RAP1GAP: variants seen among roughly 807,000 people sequenced by gnomAD.
RAP1GAP encodes the protein RAP1 GTPase activating protein, also known as rap1 GTPase-activating protein 1.
RAP1GAP carries 35 observed loss-of-function variants against 87.2 expected under a neutral mutation model. The ratio of observed to expected loss-of-function variants is 0.40; its 90% CI spans 0.31 to 0.53. The LOEUF is 0.53. Ranked by LOEUF, RAP1GAP falls within the 20% of genes least tolerant of loss-of-function variation. The pLI is 0.48. For missense variants in RAP1GAP, 734 were observed against 898.9 expected (o/e 0.82, Z 2.35); for synonymous variants, 375 against 363.9 (o/e 1.03, Z -0.35).
chr1:21,664,248 C>A (rs977741300), intron 1 of RAP1GAP, among the ~76,000 whole-genome samples: 2 of 152,172 alleles, frequency 1.3e-5, no homozygotes, highest in Non-Finnish European at 2.9e-5. Flanking sequence ...CTCCTTTGCA[C>A]ACTGGGAGAA....
At chr1:21,628,792 G>C (rs1200948659) in intron 2 of RAP1GAP, among the ~76,000 whole-genome samples, 1 of 152,144 alleles carries the variant, frequency 6.6e-6, no homozygotes, top group Admixed American at 6.6e-5. Flanking sequence ...GGAGGCTGAG[G>C]CAGGAGAATT....
At chr1:21,623,564 G>A (rs1489953960) in intron 3 of RAP1GAP, among the ~76,000 whole-genome samples, 1 of 152,204 alleles carries the variant, frequency 6.6e-6, no homozygotes, top group East Asian at 1.9e-4. Context: ...GCCAGTGGCT[G>A]CCCACCACCC....
chr1:21,648,639 C>T (rs946753616), intron 2 of RAP1GAP, among the ~76,000 whole-genome samples: 1 of 152,194 alleles, frequency 6.6e-6, no homozygotes, highest in Admixed American at 6.5e-5. Context: ...TATTACTGAA[C>T]TCCCTGAAGG....
At chr1:21,643,288 G>A (rs533968519) in intron 2 of RAP1GAP, among the ~76,000 whole-genome samples, 1 of 152,224 alleles carries the variant, frequency 6.6e-6, no homozygotes, top group Non-Finnish European at 1.5e-5. Flanking sequence ...GGCTGGGTGT[G>A]GTGGCTCACG....
chr1:21,629,251 G>C (rs9426770), intron 2 of RAP1GAP, among the ~76,000 whole-genome samples: 45,759 of 152,058 alleles, frequency 0.3, 7,959 homozygotes, highest in Middle Eastern at 0.41. Context: ...TGCTGGGTGC[G>C]GCCGTGGCTG....
chr1:21,613,307 C>A lies in RAP1GAP; in HGVS notation c.475-78G>T, dbSNP rs2079637075. On this transcript the variant is annotated intron_variant, in intron 9 of 24. Transcript: ENST00000374765. The surrounding 1 kb of genome is among the most constrained non-coding windows in gnomAD (Gnocchi z 4.7). ...ATGGGGCTGCCTGGGCCTCCCTGGT[C>A]AAGGTCTGGGGAGGAGCCATGCTGG... 2 of 1,349,782 alleles carry A rather than the reference C, an allele frequency of 1.5e-6. No individual in the cohort carries two copies. The highest frequency in any genetic ancestry group is 2.3e-5 in the East Asian group (1 of 43,452). The allele number at this position is 1,349,782 out of a possible 1,614,324, so 83.6% of individuals were successfully genotyped here.
intron 17 of RAP1GAP, among the ~76,000 whole-genome samples, chr1:21,606,413 G>A (rs977277188): frequency 3.9e-5 from 6 of 152,342 alleles, no homozygotes; most frequent in Non-Finnish European, 7.4e-5. Context: ...AGGTACATAC[G>A]GGGCCTAAGG....
In RAP1GAP at chr1:21,613,954, C is replaced by A; in HGVS notation, c.395+32G>T. 1 of 1,496,710 alleles carries A rather than the reference C, an allele frequency of 6.7e-7. No homozygotes were observed. Among genetic ancestry groups the A allele is most frequent in the East Asian group, 2.3e-5 (1 of 43,506 alleles). 92.7% of individuals were successfully genotyped at this position (1,496,710 alleles called of 1,614,324 possible). The stretch of plus-strand genomic sequence containing the variant: ...TGAGATTGTAAGACCTCAGCCCTTC[C>A]TGCCATCTCAGGACTCCCCCACCAC... On this transcript the variant is annotated intron_variant, in intron 8 of 24. Transcript: ENST00000374765. This position sits in a 1 kb window ranked among gnomAD's most constrained non-coding sequence, Gnocchi z 4.7.
At chr1:21,628,603 C>T (rs902538688) in intron 2 of RAP1GAP, among the ~76,000 whole-genome samples, 1 of 152,050 alleles carries the variant, frequency 6.6e-6, no homozygotes, top group African/African-American at 2.4e-5. Flanking sequence ...GCCTATAGTC[C>T]CAGCTACTTG....
intron 2 of RAP1GAP, among the ~76,000 whole-genome samples, chr1:21,631,797 C>T (rs991407102): frequency 2.6e-5 from 4 of 152,198 alleles, no homozygotes; most frequent in Non-Finnish European, 5.9e-5. Context: ...AGCCCCAGGT[C>T]GCACAATGGG....
rs754112689 is a variant in RAP1GAP at position 21,598,386 on chromosome 1, C to T, written c.1879+14G>A. ...GTAGCCCTGCTTTGTGGGGAAGCTG[C>T]CTTGTCCTGGTACCTGGGGAGCTGC... On this transcript the variant is annotated intron_variant, in intron 22 of 24. Transcript: ENST00000374765. The T allele has an allele frequency of 2.5e-6, 4 of 1,602,422 alleles. No individual in the cohort carries two copies. The highest frequency in any genetic ancestry group is 3.4e-6 in the Non-Finnish European group (4 of 1,169,460).
Position 21,602,215 on chromosome 1 carries a change from G to A in RAP1GAP, c.1539-418C>T, listed in dbSNP as rs183467186. On this transcript the variant is annotated intron_variant, in intron 19 of 24. Transcript: ENST00000374765. ...GGACCTGGCCCTGGCCTCACACGCA[G>A]TGCCCTGAGTCCCCACAGCAGCCCC... is the stretch of plus-strand genomic sequence containing the variant. Among the ~76,000 whole-genome samples the A allele has an allele frequency of 1.6e-3, 247 of 152,324 alleles. 1 individual carries two copies. The highest frequency in any genetic ancestry group is 4.8e-3 in the African/African-American group (201 of 41,574).
chr1:21,648,907 G>C (rs561462328), intron 2 of RAP1GAP, among the ~76,000 whole-genome samples: 3 of 152,208 alleles, frequency 2.0e-5, no homozygotes, highest in Non-Finnish European at 4.4e-5. Context: ...AGGGCTCTGC[G>C]GGGACGATGG....
intron 2 of RAP1GAP, among the ~76,000 whole-genome samples, chr1:21,639,878 G>C (rs1329980603): frequency 6.6e-6 from 1 of 152,206 alleles, no homozygotes; most frequent in Non-Finnish European, 1.5e-5. Flanking sequence ...ATGGAGATGG[G>C]AGGCCCCGGC....
intron 2 of RAP1GAP, among the ~76,000 whole-genome samples, chr1:21,645,777 C>T (rs2095997442): frequency 2.0e-5 from 3 of 152,360 alleles, no homozygotes; most frequent in East Asian, 3.9e-4. Flanking sequence ...GGAGGCCCAG[C>T]GGGCTGTGCC....
At chr1:21,630,010 A>G (rs2093402133) in intron 2 of RAP1GAP, among the ~76,000 whole-genome samples, 1 of 152,234 alleles carries the variant, frequency 6.6e-6, no homozygotes. Context: ...TAACAACAGC[A>G]ACGGCCGACA....
At chr1:21,662,427 G>A (rs903987781) in intron 1 of RAP1GAP, among the ~76,000 whole-genome samples, 2 of 152,198 alleles carry the variant, frequency 1.3e-5, no homozygotes, top group African/African-American at 4.8e-5. Flanking sequence ...TCCAAGCTGG[G>A]AATTTACACA....
chr1:21,626,235 C>T (rs1041822697), intron 3 of RAP1GAP, 69 bp downstream of exon 3: 4 of 1,374,928 alleles, frequency 2.9e-6, no homozygotes, highest in Non-Finnish European at 4.1e-6. Flanking sequence ...TTGGGCCTTT[C>T]CCAGCCCTGG....
At chr1:21,619,736 A>G (rs2085409207) in intron 4 of RAP1GAP, among the ~76,000 whole-genome samples, 1 of 151,888 alleles carries the variant, frequency 6.6e-6, no homozygotes, top group Non-Finnish European at 1.5e-5. Flanking sequence ...GAGGCAGTGT[A>G]TGTCTGTGGG....
Sources: gnomAD v4.1 joint callset for allele counts (sites outside exome capture counted in the v4.1 genomes callset) on GRCh38, gnomAD v4.1.1 for gene constraint, Gnocchi (gnomAD v3.1) non-coding constraint, MANE v1.5 for transcripts, NCBI Gene and HGNC (gene_info 2026-07-23, HGNC 2026-07-21) for gene names.